ADAM23: variants seen among roughly 807,000 people sequenced by gnomAD.
ADAM23 encodes disintegrin and metalloproteinase domain-containing protein 23.
In ADAM23, 33 loss-of-function variants were observed where a neutral mutation model predicts 120.1. The ratio of observed to expected loss-of-function variants is 0.27; its 90% CI spans 0.21 to 0.37. The LOEUF is 0.37. ADAM23 is among the 10% of genes least tolerant of loss of function. The pLI is 1.00. For missense variants in ADAM23, 862 were observed against 1,058.2 expected (o/e 0.81, Z 2.57); for synonymous variants, 367 against 375.2 (o/e 0.98, Z 0.25).
chr2:206,597,029 G>A (rs1188122566), intron 24 of ADAM23, among the ~76,000 whole-genome samples: 1 of 149,822 alleles, frequency 6.7e-6, no homozygotes, highest in African/African-American at 2.5e-5. Context: ...ACCATGCCTG[G>A]CTAATTTTTT....
At chr2:206,536,027 A>G (rs1478467874) in intron 4 of ADAM23, among the ~76,000 whole-genome samples, 1 of 152,224 alleles carries the variant, frequency 6.6e-6, no homozygotes, top group Non-Finnish European at 1.5e-5. Flanking sequence ...ATAAGAGTTT[A>G]TTTACCCACC....
chr2:206,470,056 G>A (rs1380823057), intron 2 of ADAM23, among the ~76,000 whole-genome samples: 2 of 151,824 alleles, frequency 1.3e-5, no homozygotes, highest in African/African-American at 4.8e-5. Flanking sequence ...TATATTGTTG[G>A]TTGTATTAGC....
intron 2 of ADAM23, among the ~76,000 whole-genome samples, chr2:206,456,542 A>C (rs950862991): frequency 6.6e-6 from 1 of 152,180 alleles, no homozygotes; most frequent in Non-Finnish European, 1.5e-5. Context: ...ACAATTCAAC[A>C]TGATATTTGC....
At chr2:206,497,664 A>G (rs1221869526) in intron 3 of ADAM23, among the ~76,000 whole-genome samples, 2 of 152,182 alleles carry the variant, frequency 1.3e-5, no homozygotes, top group Non-Finnish European at 2.9e-5. Context: ...GCAGTCAGGC[A>G]GGAGAAGGGA....
intron 4 of ADAM23, among the ~76,000 whole-genome samples, chr2:206,532,278 C>T (rs1697080041): frequency 6.6e-6 from 1 of 151,588 alleles, no homozygotes. Flanking sequence ...GCCACATTTG[C>T]AGGACACAGA....
chr2:206,618,548 TG>T lies in ADAM23; in HGVS notation c.*922del. On this transcript the variant is annotated 3_prime_UTR_variant, in exon 26 of 26. Transcript: ENST00000264377. ...TTGATTTTTTGCTCCCCATCTTTTT[TG>T]TTTCTTGTCTCTCTTTCTCTGTCTC... The T allele has an allele frequency of 6.6e-6, 1 of 152,360 alleles. No homozygotes were observed. Among genetic ancestry groups the T allele is most frequent in the East Asian group, 1.9e-4 (1 of 5,190 alleles). The allele number at this position is 152,360 out of a possible 1,614,324, so 9.4% of individuals were successfully genotyped here.
chr2:206,610,670 C>T (rs1698809956), intron 25 of ADAM23, among the ~76,000 whole-genome samples: 1 of 152,210 alleles, frequency 6.6e-6, no homozygotes, highest in Admixed American at 6.5e-5. Flanking sequence ...GGATTGCACA[C>T]TGCTTACTGA....
At chr2:206,519,120 C>T (rs1394883715) in intron 3 of ADAM23, among the ~76,000 whole-genome samples, 1 of 152,090 alleles carries the variant, frequency 6.6e-6, no homozygotes, top group Non-Finnish European at 1.5e-5. Context: ...TCTCTGAGAT[C>T]TCAGAGATGG....
rs960442551 is a variant in ADAM23 at position 206,587,631 on chromosome 2, G to A, written c.1788+256G>A. On this transcript the variant is annotated intron_variant, in intron 19 of 25. Transcript: ENST00000264377. The stretch of plus-strand genomic sequence containing the variant: ...AAGAACTGGGAGTCTCATTTATTGA[G>A]TTGTGACCATCTTTCAGTAATTTCA... 5.3e-5 allele frequency among the ~76,000 whole-genome samples: 8 copies of A among 151,896 alleles called. No homozygotes were observed. The East Asian group carries it at 1.5e-3, about 29-fold the overall frequency.
chr2:206,455,398 C>G (rs1048818460), intron 2 of ADAM23, among the ~76,000 whole-genome samples: 1 of 152,156 alleles, frequency 6.6e-6, no homozygotes, highest in African/African-American at 2.4e-5. Context: ...TTTTTCCCTT[C>G]TAGGCCTCTG....
At chr2:206,451,462 A>T (rs1695192818) in intron 2 of ADAM23, among the ~76,000 whole-genome samples, 1 of 151,556 alleles carries the variant, frequency 6.6e-6, no homozygotes, top group African/African-American at 2.4e-5. Context: ...TTGGTCTTGA[A>T]CTCCTGACCT....
intron 16 of ADAM23, among the ~76,000 whole-genome samples, chr2:206,571,511 A>G (rs1697999622): frequency 6.6e-6 from 1 of 152,104 alleles, no homozygotes; most frequent in African/African-American, 2.4e-5. Flanking sequence ...AAAGCTTTCT[A>G]TTTGCTATTG....
chr2:206,602,612 A>G (rs1021781456), intron 24 of ADAM23, among the ~76,000 whole-genome samples: 9 of 152,168 alleles, frequency 5.9e-5, no homozygotes, highest in Non-Finnish European at 1.2e-4. Flanking sequence ...CCCCTTTGGA[A>G]TCACTTGGGG....
intron 4 of ADAM23, among the ~76,000 whole-genome samples, chr2:206,533,706 C>T (rs1004622728): frequency 4.6e-5 from 7 of 152,246 alleles, no homozygotes; most frequent in Non-Finnish European, 8.8e-5. Flanking sequence ...TCACCACTAA[C>T]AAGCCCCTCT....
intron 25 of ADAM23, among the ~76,000 whole-genome samples, chr2:206,614,051 C>G (rs1315241879): frequency 1.3e-5 from 2 of 152,144 alleles, no homozygotes; most frequent in Non-Finnish European, 2.9e-5. Context: ...ACCTCATCAC[C>G]ACGTCTTACT....
intron 3 of ADAM23, among the ~76,000 whole-genome samples, chr2:206,528,076 G>A (rs529519315): frequency 6.6e-6 from 1 of 152,286 alleles, no homozygotes; most frequent in Admixed American, 6.5e-5. Context: ...GCAAAATTAA[G>A]ATAACGTTGT....
At chr2:206,508,350 A>G (rs911621694) in intron 3 of ADAM23, among the ~76,000 whole-genome samples, 1 of 152,094 alleles carries the variant, frequency 6.6e-6, no homozygotes, top group African/African-American at 2.4e-5. Context: ...TTATCACTTT[A>G]CTAACAGGTC....
intron 22 of ADAM23, among the ~76,000 whole-genome samples, chr2:206,594,310 T>C (rs1413896512): frequency 6.6e-6 from 1 of 152,210 alleles, no homozygotes; most frequent in African/African-American, 2.4e-5. Context: ...GAAGTAAGAA[T>C]AATAATTTTC....
intron 18 of ADAM23, among the ~76,000 whole-genome samples, chr2:206,585,728 G>C (rs778714346): frequency 9.9e-5 from 15 of 151,976 alleles, no homozygotes; most frequent in Non-Finnish European, 2.1e-4. Context: ...ATAGAATCCT[G>C]CTTGCATGGA....
Sources: gnomAD v4.1 joint callset for allele counts (sites outside exome capture counted in the v4.1 genomes callset) on GRCh38, gnomAD v4.1.1 for gene constraint, MANE v1.5 for transcripts, NCBI Gene and HGNC (gene_info 2026-07-23, HGNC 2026-07-21) for gene names.